Variants in PCDHGA8 observed in about 807,000 individuals in gnomAD.
PCDHGA8 encodes the protein protocadherin gamma subfamily A, 8.
In PCDHGA8, 45 loss-of-function variants were observed where a neutral mutation model predicts 59.2. That is an observed-to-expected ratio of 0.76 (90% CI 0.60 to 0.98). The LOEUF (loss-of-function observed/expected upper bound fraction) is 0.98. PCDHGA8 is among the 50% of genes least tolerant of loss of function. PCDHGA8 has a pLI of 0.00. For synonymous variants in PCDHGA8, 531 were observed against 519.0 expected, an observed-to-expected ratio of 1.02 and a Z score of -0.32; for missense variants, 1,257 against 1,196.2, an observed-to-expected ratio of 1.05 and a Z score of -0.75.
In PCDHGA8 at chr5:141,490,498, T is replaced by C. The variant is rs544031284; in HGVS notation, c.2425-4309T>C. On this transcript the variant is annotated intron_variant, in intron 1 of 3. Coordinates refer to ENST00000398604, the MANE Select transcript of PCDHGA8 (RefSeq NM_032088.2). This position sits in a 1 kb window ranked among gnomAD's most constrained non-coding sequence, Gnocchi z 5.4. ...TTTGGACCGGGAGGCCACATCCCAC[T>C]ATATCATCGAGCTGCTGGCCAGCGA... 1.2e-6 allele frequency: 2 copies of C among 1,614,132 alleles called. No individual in the cohort carries two copies. Among genetic ancestry groups the C allele is most frequent in the African/African-American group, 1.3e-5 (1 of 75,038 alleles).
At chr5:141,418,449 A>C in intron 1 of PCDHGA8, 1 of 1,614,040 alleles carries the variant, frequency 6.2e-7, no homozygotes, top group Non-Finnish European at 8.5e-7. Context: ...TTAGTATTGC[A>C]GAAGACTCTG....
intron 1 of PCDHGA8, chr5:141,468,586 G>C (rs1232477889): frequency 1.3e-5 from 2 of 152,176 alleles, no homozygotes; most frequent in East Asian, 1.9e-4. Context: ...GGTACTAAAG[G>C]CTGGGCGCGG....
Position 141,430,721 on chromosome 5 carries a change from T to C in PCDHGA8, c.2424+35484T>C, listed in dbSNP as rs2097305223. The C allele has an allele frequency of 3.4e-6, 5 of 1,489,270 alleles. No homozygotes were observed. The South Asian group carries it at 7.3e-5, about 22-fold the overall frequency. 92.3% of individuals were successfully genotyped at this position (1,489,270 alleles called of 1,614,324 possible). A position where few individuals can be genotyped will look rare whatever the true frequency, so the allele number is the denominator to read the frequency against. On this transcript the variant is annotated intron_variant, in intron 1 of 3. Coordinates refer to ENST00000398604, the MANE Select transcript of PCDHGA8 (RefSeq NM_032088.2). ...AGGAACTGCTCCTGACTTCAGTGGT[T>C]AAGGGCAGAATTGAAAATAATTCTG...
intron 1 of PCDHGA8, chr5:141,409,456 C>T: frequency 1.2e-6 from 2 of 1,613,974 alleles, no homozygotes; most frequent in Middle Eastern, 3.3e-4. Context: ...CACCAGAATA[C>T]AATGTCACCA....
At chr5:141,509,625 G>T (rs915049847) in intron 3 of PCDHGA8, among the ~76,000 whole-genome samples, 1 of 152,186 alleles carries the variant, frequency 6.6e-6, no homozygotes, top group Non-Finnish European at 1.5e-5. Flanking sequence ...AAGTTCCTGG[G>T]TGATGCTGAG....
At chr5:141,413,451 CA>C (rs1561742676) in intron 1 of PCDHGA8, 1 of 1,614,118 alleles carries the variant, frequency 6.2e-7, no homozygotes, top group East Asian at 2.2e-5. Context: ...TCACCGCGGG[CA>C]GGATAGACCG....
chr5:141,469,618 T>C (rs1284372508), intron 1 of PCDHGA8, among the ~76,000 whole-genome samples: 1 of 152,148 alleles, frequency 6.6e-6, no homozygotes, highest in Non-Finnish European at 1.5e-5. Context: ...ATAAAATAAA[T>C]GTTTGTAGTT....
At chr5:141,421,363 G>T (rs749916401) in intron 1 of PCDHGA8, 2 of 1,613,898 alleles carry the variant, frequency 1.2e-6, no homozygotes, top group South Asian at 2.2e-5. Flanking sequence ...GGGCTCCTTC[G>T]TGGGCAATAT....
intron 1 of PCDHGA8, chr5:141,410,799 C>A: frequency 1.8e-6 from 1 of 560,610 alleles, no homozygotes; most frequent in Non-Finnish European, 2.6e-6. Flanking sequence ...ATAAGTTGCT[C>A]TATCTTTTTG....
intron 1 of PCDHGA8, among the ~76,000 whole-genome samples, chr5:141,465,824 T>A (rs1447359333): frequency 6.6e-6 from 1 of 152,076 alleles, no homozygotes; most frequent in Non-Finnish European, 1.5e-5. Context: ...ATCACATTTG[T>A]TTAAAATTTC....
At position 141,477,290 on chromosome 5, in the gene PCDHGA8, C is replaced by T; in HGVS notation, c.2425-17517C>T. 5 of 1,614,158 alleles carry T rather than the reference C, an allele frequency of 3.1e-6. No individual in the cohort carries two copies. In the South Asian group the frequency reaches 5.5e-5, roughly 18 times the overall value. On this transcript the variant is annotated intron_variant, in intron 1 of 3. Coordinates refer to ENST00000398604, the MANE Select transcript of PCDHGA8 (RefSeq NM_032088.2). The surrounding 1 kb of genome is among the most constrained non-coding windows in gnomAD (Gnocchi z 4.9). ...GAACGGGCTGGTGACCTGCGAAGTT[C>T]CACCGGGTCTCCCTTTCAGCCTTAC...
intron 1 of PCDHGA8, chr5:141,440,169 C>A (rs891186588): frequency 1.3e-5 from 2 of 152,218 alleles, no homozygotes; most frequent in Non-Finnish European, 2.9e-5. Flanking sequence ...TGGGCCATAA[C>A]GCTTTGAAAT....
At chr5:141,403,892 T>C in intron 1 of PCDHGA8, 1 of 1,613,820 alleles carries the variant, frequency 6.2e-7, no homozygotes, top group Non-Finnish European at 8.5e-7. Flanking sequence ...AGAATGTTCA[T>C]TTTATGAAAT....
chr5:141,466,885 G>A (rs997982577), intron 1 of PCDHGA8, among the ~76,000 whole-genome samples: 3 of 151,938 alleles, frequency 2.0e-5, no homozygotes, highest in Non-Finnish European at 4.4e-5. Context: ...TTCATAATAT[G>A]CATTTTCCAT....
intron 1 of PCDHGA8, chr5:141,428,099 C>T: frequency 6.8e-6 from 11 of 1,608,710 alleles, no homozygotes; most frequent in East Asian, 2.2e-5. Context: ...TGTCCTACCA[C>T]GTGCTGCAGG....
chr5:141,397,199 T>G (rs1317536621), intron 1 of PCDHGA8, among the ~76,000 whole-genome samples: 1 of 152,156 alleles, frequency 6.6e-6, no homozygotes, highest in African/African-American at 2.4e-5. Context: ...GTAAAAGATA[T>G]GACATAAGAG....
At position 141,476,943 on chromosome 5, in the gene PCDHGA8, A is replaced by G. The variant is rs538990482; in HGVS notation, c.2425-17864A>G. On this transcript the variant is annotated intron_variant, in intron 1 of 3. Coordinates refer to ENST00000398604, the MANE Select transcript of PCDHGA8 (RefSeq NM_032088.2). This position sits in a 1 kb window ranked among gnomAD's most constrained non-coding sequence, Gnocchi z 7.6. ...GCAACGGATCTGGATGAAGGCCCCA[A>G]CGGTGAAATTATTTACTCCTTCGGC... 14 of 1,614,170 alleles carry G rather than the reference A, an allele frequency of 8.7e-6. No individual in the cohort carries two copies. Among genetic ancestry groups the G allele is most frequent in the South Asian group, 1.1e-5 (1 of 91,086 alleles).
chr5:141,487,803 A>G lies in PCDHGA8; in HGVS notation c.2425-7004A>G. On this transcript the variant is annotated intron_variant, in intron 1 of 3. Transcript: ENST00000398604. The surrounding 1 kb of genome is among the most constrained non-coding windows in gnomAD (Gnocchi z 5.0). ...TTCGTGAATTAACCAGAGTTGTCAC[A>G]GTTTAGCATTGGGGGCGGGTCATGC... 2.0e-6 allele frequency: 3 copies of G among 1,466,166 alleles called. No individual in the cohort carries two copies. The highest frequency in any genetic ancestry group is 2.8e-6 in the Non-Finnish European group (3 of 1,084,448). The allele number at this position is 1,466,166 out of a possible 1,614,324, so 90.8% of individuals were successfully genotyped here. A position where few individuals can be genotyped will look rare whatever the true frequency, so the allele number is the denominator to read the frequency against.
At chr5:141,488,070 C>A (rs777154469) in intron 1 of PCDHGA8, among the ~76,000 whole-genome samples, 3 of 152,076 alleles carry the variant, frequency 2.0e-5, no homozygotes, top group Non-Finnish European at 1.5e-5. Context: ...TCTTTGTCTC[C>A]CAGTATCTAG....
Sources: gnomAD v4.1 joint callset for allele counts (sites outside exome capture counted in the v4.1 genomes callset) on GRCh38, gnomAD v4.1.1 for gene constraint, Gnocchi (gnomAD v3.1) non-coding constraint, MANE v1.5 for transcripts, NCBI Gene and HGNC (gene_info 2026-07-23, HGNC 2026-07-21) for gene names.